Variants in EPS8 observed in about 807,000 individuals in gnomAD.
EPS8 encodes EGFR pathway substrate 8, signaling adaptor.
A neutral mutation model predicts 103.8 loss-of-function variants in EPS8; 42 were observed. The observed-to-expected ratio is 0.40, with a 90% CI of 0.32 to 0.52. The LOEUF (loss-of-function observed/expected upper bound fraction) is 0.52. EPS8 is among the 20% of genes least tolerant of loss of function. EPS8 has a pLI of 0.40. For synonymous variants in EPS8, 344 were observed against 344.6 expected (o/e 1.00, Z 0.02); for missense variants, 969 against 1,005.1 (o/e 0.96, Z 0.49).
rs143499886 is a variant in EPS8 at position 15,740,911 on chromosome 12, G to A, written c.-22+48250C>T. 2.8e-3 allele frequency among the ~76,000 whole-genome samples: 431 copies of A among 152,196 alleles called. 5 individuals carry two copies. In the East Asian group the frequency reaches 0.031, roughly 11 times the overall value. ...CGTGGATTGGTAATGATAGAAAAAA[G>A]GTCAATTTCTTTTTTAAAAAATGGT... On this transcript the variant is annotated intron_variant, in intron 1 of 20. Transcript: ENST00000281172.
chr12:15,643,130 T>A (rs1945260283), intron 15 of EPS8, among the ~76,000 whole-genome samples: 1 of 152,184 alleles, frequency 6.6e-6, no homozygotes, highest in Non-Finnish European at 1.5e-5. Flanking sequence ...TCTACTAAGA[T>A]TTCATTTGGC....
At chr12:15,670,464 G>T (rs1182702817) in intron 4 of EPS8, among the ~76,000 whole-genome samples, 1 of 151,986 alleles carries the variant, frequency 6.6e-6, no homozygotes, top group African/African-American at 2.4e-5. Flanking sequence ...TCGTAAAAGA[G>T]GGCAAAAACT....
intron 8 of EPS8, among the ~76,000 whole-genome samples, chr12:15,664,864 T>C (rs993942524): frequency 6.6e-6 from 1 of 152,170 alleles, no homozygotes; most frequent in African/African-American, 2.4e-5. Flanking sequence ...TTTTAAGGCA[T>C]TTTTTTAGTT....
intron 1 of EPS8, among the ~76,000 whole-genome samples, chr12:15,718,549 T>A (rs1946557985): frequency 6.6e-6 from 1 of 152,196 alleles, no homozygotes. Flanking sequence ...GCTTTTGGCA[T>A]GTAGTATCAA....
At position 15,749,373 on chromosome 12, in the gene EPS8, CAA is replaced by C. The variant is rs1946907924; in HGVS notation, c.-22+39786_-22+39787del. ...TATCACTTACCCTGCACAGTATACT[CAA>C]GAGCAGGAATGTCTTGTTCAACATT... On this transcript the variant is annotated intron_variant, in intron 1 of 20. Transcript: ENST00000281172. The surrounding 1 kb of genome is among the most constrained non-coding windows in gnomAD (Gnocchi z 4.0). 6.6e-6 allele frequency among the ~76,000 whole-genome samples: 1 copy of C among 152,122 alleles called. No homozygotes were observed. Among genetic ancestry groups the C allele is most frequent in the South Asian group, 2.1e-4 (1 of 4,832 alleles).
Position 15,647,121 on chromosome 12 carries a change from T to C in EPS8, c.1568+6A>G, listed in dbSNP as rs778760655. 63 of 1,611,984 alleles carry C rather than the reference T, an allele frequency of 3.9e-5. No homozygotes were observed. The highest frequency in any genetic ancestry group is 3.3e-4 in the Middle Eastern group (2 of 6,070). On this transcript the variant is annotated splice_donor_region_variant and intron_variant, in intron 15 of 20. Transcript: ENST00000281172. ...AGCTCTCCAAAGGGTGCCCATTAAA[T>C]GTTACCTATCTATATGGCGATTAGA...
intron 1 of EPS8, among the ~76,000 whole-genome samples, chr12:15,705,930 G>C (rs551171182): frequency 2.0e-5 from 3 of 151,762 alleles, no homozygotes; most frequent in East Asian, 3.9e-4. Context: ...TAAAGTTTAA[G>C]CTTATGTAAA....
At chr12:15,692,319 G>GTTTTTTTTT (rs56016545) in intron 1 of EPS8, among the ~76,000 whole-genome samples, 1 of 120,320 alleles carries the variant, frequency 8.3e-6, no homozygotes, top group African/African-American at 3.3e-5. Flanking sequence ...AAGAGGTTTG[G>GTTTTTTTTT]TTTTTTTTTT....
intron 7 of EPS8, among the ~76,000 whole-genome samples, chr12:15,666,181 C>G (rs1200718756): frequency 6.6e-6 from 1 of 152,176 alleles, no homozygotes; most frequent in Non-Finnish European, 1.5e-5. Flanking sequence ...AGGATACCTT[C>G]TCTTAAAATG....
intron 1 of EPS8, among the ~76,000 whole-genome samples, chr12:15,723,056 G>A (rs1946615141): frequency 6.6e-6 from 1 of 151,790 alleles, no homozygotes; most frequent in African/African-American, 2.4e-5. Flanking sequence ...GGGCAGGGTG[G>A]CTCATGTCTA....
At chr12:15,740,831 TAA>T in intron 1 of EPS8, among the ~76,000 whole-genome samples, 1 of 152,292 alleles carries the variant, frequency 6.6e-6, no homozygotes, top group East Asian at 1.9e-4. Context: ...GTAGCGAAAT[TAA>T]GAGAAATGTG....
chr12:15,719,216 T>C (rs145086940), intron 1 of EPS8, among the ~76,000 whole-genome samples: 2,715 of 152,042 alleles, frequency 0.018, 40 homozygotes, highest in South Asian at 0.028. Context: ...TATATATATA[T>C]ACACACATAC....
At position 15,736,630 on chromosome 12, in the gene EPS8, G is replaced by A. The variant is rs1197852654; in HGVS notation, c.-22+52531C>T. ...TTAGTAAGCAAATCAATCCGCAGCA[G>A]GTTAGAAGCATTAAATTTGAATTTA... On this transcript the variant is annotated intron_variant, in intron 1 of 20. Coordinates refer to ENST00000281172, the MANE Select transcript of EPS8 (RefSeq NM_004447.6). This position sits in a 1 kb window ranked among gnomAD's most constrained non-coding sequence, Gnocchi z 4.2. 6.6e-6 allele frequency among the ~76,000 whole-genome samples: 1 copy of A among 152,118 alleles called. No homozygotes were observed. The highest frequency in any genetic ancestry group is 6.5e-5 in the Admixed American group (1 of 15,274).
rs543109301 is a variant in EPS8, at chr12:15,677,137, T to C, written c.136+4089A>G. Among the ~76,000 whole-genome samples, 4 of 152,326 alleles carry C rather than the reference T, an allele frequency of 2.6e-5. No homozygotes were observed. In the South Asian group the frequency reaches 8.3e-4, roughly 32 times the overall value. On this transcript the variant is annotated intron_variant, in intron 3 of 20. Transcript: ENST00000281172. ...TATCAAAATATTACATTTGAGAATC[T>C]TGATGAATCTGAGGACCCAGGACAG...
intron 1 of EPS8, among the ~76,000 whole-genome samples, chr12:15,756,504 T>C (rs1037870160): frequency 2.6e-5 from 4 of 152,186 alleles, no homozygotes; most frequent in Non-Finnish European, 5.9e-5. Context: ...AAAGGCTCTA[T>C]ATAGTTACCT....
chr12:15,629,821 T>C (rs1945012662), intron 18 of EPS8, among the ~76,000 whole-genome samples: 1 of 152,192 alleles, frequency 6.6e-6, no homozygotes, highest in Non-Finnish European at 1.5e-5. Flanking sequence ...GTGTCTTTTT[T>C]ATTTTTTATT....
rs905649689 is a variant in EPS8, at chr12:15,716,618, G to T, written c.-21-33646C>A. 4.6e-5 allele frequency among the ~76,000 whole-genome samples: 7 copies of T among 152,142 alleles called. No homozygotes were observed. The highest frequency in any genetic ancestry group is 8.8e-5 in the Non-Finnish European group (6 of 68,024). ...TGCACTTTTTTCCAAAGCTCTTGAA[G>T]CTGGAAATTGCACACACACACATCT... On this transcript the variant is annotated intron_variant, in intron 1 of 20. Coordinates refer to ENST00000281172, the MANE Select transcript of EPS8 (RefSeq NM_004447.6). This position sits in a 1 kb window ranked among gnomAD's most constrained non-coding sequence, Gnocchi z 5.0.
intron 3 of EPS8, chr12:15,672,455 T>G (rs1457679374): frequency 2.5e-6 from 1 of 398,562 alleles, no homozygotes; most frequent in African/African-American, 2.1e-5. Context: ...CTGTGCTACC[T>G]TTCTTTTTTT....
At chr12:15,671,033 T>C (rs1246472870) in intron 3 of EPS8, 110 bp from the exon 4 acceptor site, 5 of 671,894 alleles carry the variant, frequency 7.4e-6, no homozygotes, top group African/African-American at 7.3e-5. Flanking sequence ...ATAAATACAG[T>C]AGCTGACAAG....
Sources: gnomAD v4.1 joint callset for allele counts (sites outside exome capture counted in the v4.1 genomes callset) on GRCh38, gnomAD v4.1.1 for gene constraint, Gnocchi (gnomAD v3.1) non-coding constraint, MANE v1.5 for transcripts, NCBI Gene and HGNC (gene_info 2026-07-23, HGNC 2026-07-21) for gene names.